The following CYP2E1 variants were observed in gnomAD, a reference collection of about 807,000 sequenced individuals.
The protein encoded by CYP2E1 is cytochrome P450 2E1.
CYP2E1 carries 31 observed loss-of-function variants against 42.9 expected under a neutral mutation model. The observed-to-expected ratio is 0.72, with a 90% confidence interval of 0.54 to 0.98. The LOEUF is 0.98. Among genes scored for constraint, CYP2E1 ranks in the 50% least tolerant of loss-of-function variants. The probability of loss-of-function intolerance (pLI) is 0.00; values close to 1 mark genes in which losing one functional copy is unlikely to be tolerated. For synonymous variants in CYP2E1, 244 were observed against 248.9 expected, an observed-to-expected ratio of 0.98 and a Z score of 0.19; for missense variants, 565 against 633.2, an observed-to-expected ratio of 0.89 and a Z score of 1.16.
intron 6 of CYP2E1, among the ~76,000 whole-genome samples, chr10:133,535,074 T>A (rs1851381539): frequency 6.6e-6 from 1 of 152,008 alleles, no homozygotes; most frequent in African/African-American, 2.4e-5. Flanking sequence ...CAGTGGCTCA[T>A]ACCTGTAATC....
In CYP2E1 at chr10:133,528,507, C is replaced by G; in HGVS notation, c.204C>G (p.Phe68Leu). The change falls in exon 2 of 9, where the codon TTC (phenylalanine) becomes TTG (leucine). Residue 68 changes from phenylalanine to leucine, a missense_variant. Coordinates refer to ENST00000252945, the MANE Select transcript of CYP2E1 (RefSeq NM_000773.4). ...TGGCCCAGCGCTTCGGGCCGGTGTT[C>G]ACGCTGTACGTGGGCTCGCAGCGCA... Reference protein sequence around the residue: ...TRLAQRFGPVFTLYVGSQRMV... With the variant: ...TRLAQRFGPVLTLYVGSQRMV... 6.2e-7 allele frequency: 1 copy of G among 1,613,332 alleles called. No homozygotes were observed. The highest frequency in any genetic ancestry group is 1.1e-5 in the South Asian group (1 of 91,068).
Position 133,538,823 on chromosome 10 carries a change from G to T in CYP2E1, c.1341G>T (p.Leu447Phe). Residue 447 changes from leucine (L) to phenylalanine (F), a missense_variant, in exon 9 of 9, where the codon TTG (leucine) becomes TTT (phenylalanine). Transcript: ENST00000252945. ...GAGAAGGCCTGGCTCGCATGGAGTT[G>T]TTTCTTTTGTTGTGTGCCATTTTGC... ...CAGEGLARME[L>F]FLLLCAILQH... 6.2e-7 allele frequency: 1 copy of T among 1,613,950 alleles called. No homozygotes were observed. Among genetic ancestry groups the T allele is most frequent in the East Asian group, 2.2e-5 (1 of 44,878 alleles).
At chr10:133,529,222 C>G (rs1432740644) in intron 2 of CYP2E1, among the ~76,000 whole-genome samples, 1 of 152,220 alleles carries the variant, frequency 6.6e-6, no homozygotes, top group African/African-American at 2.4e-5. Flanking sequence ...CTCCAGAGCC[C>G]CGAGTTCAGC....
chr10:133,530,770 C>T (rs1851326683), intron 2 of CYP2E1, among the ~76,000 whole-genome samples: 1 of 152,068 alleles, frequency 6.6e-6, no homozygotes. Flanking sequence ...GGGCTAGGGG[C>T]CCCTGCGGTG....
intron 2 of CYP2E1, 143 bp downstream of exon 2, chr10:133,528,783 A>G (rs1293813932): frequency 8.8e-7 from 1 of 1,136,886 alleles, no homozygotes; most frequent in Non-Finnish European, 1.2e-6. Context: ...GATCAGGATT[A>G]GGGCGATGGC....
In CYP2E1 at chr10:133,537,094, T is replaced by G. The variant is rs775343042; in HGVS notation, c.999T>G (p.Ile333Met). ...TCCATGAAGAAATTGACAGGGTGAT[T>G]GGGCCAAGCCGAATCCCTGCCATCA... is the stretch of plus-strand genomic sequence containing the variant. Reference protein sequence around the residue: ...EKLHEEIDRVIGPSRIPAIKD... With the variant: ...EKLHEEIDRVMGPSRIPAIKD... Residue 333 changes from isoleucine to methionine, a missense_variant, in exon 7 of 9, where the codon ATT (isoleucine) becomes ATG (methionine). Coordinates refer to ENST00000252945, the MANE Select transcript of CYP2E1 (RefSeq NM_000773.4). The G allele has an allele frequency of 1.2e-6, 2 of 1,613,608 alleles. No homozygotes were observed. The highest frequency in any genetic ancestry group is 2.7e-5 in the African/African-American group (2 of 74,880).
intron 8 of CYP2E1, 103 bp downstream of exon 8, chr10:133,537,995 C>T: frequency 2.6e-6 from 3 of 1,141,368 alleles, no homozygotes; most frequent in Non-Finnish European, 3.7e-6. Flanking sequence ...CACTGACACC[C>T]CAAACCTCAC....
rs200228968 is a variant in CYP2E1, at chr10:133,537,104, C to T, written c.1009C>T (p.Arg337Ter). 8.1e-6 allele frequency: 13 copies of T among 1,613,860 alleles called. No homozygotes were observed. Among genetic ancestry groups the T allele is most frequent in the East Asian group, 6.7e-5 (3 of 44,876 alleles). The change falls in exon 7 of 9, where the codon CGA becomes TGA. Residue 337 changes from arginine to a stop codon, truncating the protein, a stop_gained. Transcript: ENST00000252945. LOFTEE classifies it high-confidence loss of function. ...AATTGACAGGGTGATTGGGCCAAGC[C>T]GAATCCCTGCCATCAAGGATAGGCA... ...EEIDRVIGPS[R>*]IPAIKDRQEM...
chr10:133,528,529 C>T lies in CYP2E1; in HGVS notation c.226C>T (p.Arg76Cys), dbSNP rs1329756728. Residue 76 changes from arginine (R) to cysteine (C), a missense_variant, in exon 2 of 9, where the codon CGC (arginine) becomes TGC (cysteine). Transcript: ENST00000252945. ...GTTCACGCTGTACGTGGGCTCGCAG[C>T]GCATGGTGGTGATGCACGGCTACAA... ...PVFTLYVGSQ[R>C]MVVMHGYKAV... is the part of the protein sequence containing the mutation. 2.5e-6 allele frequency: 4 copies of T among 1,613,366 alleles called. No individual in the cohort carries two copies. The highest frequency in any genetic ancestry group is 2.7e-5 in the African/African-American group (2 of 74,922).
intron 1 of CYP2E1, 146 bp from the exon 2 acceptor site, chr10:133,528,335 C>A: frequency 1.1e-6 from 1 of 948,934 alleles, no homozygotes; most frequent in Non-Finnish European, 1.5e-6. Context: ...GTCTCCCCCA[C>A]CTCGGGCTGG....
At chr10:133,532,589 T>C (rs1851352494) in intron 4 of CYP2E1, 103 bp from the exon 5 acceptor site, 12 of 1,095,516 alleles carry the variant, frequency 1.1e-5, no homozygotes, top group Non-Finnish European at 1.5e-5. Context: ...AAATAAACAA[T>C]GATTACAGCC....
intron 6 of CYP2E1, among the ~76,000 whole-genome samples, chr10:133,534,585 G>T (rs1254309536): frequency 6.6e-6 from 1 of 152,214 alleles, no homozygotes; most frequent in Non-Finnish European, 1.5e-5. Flanking sequence ...CTGCAGCCTG[G>T]CTGGAGAGTG....
chr10:133,531,826 C>G, intron 3 of CYP2E1, 92 bp downstream of exon 3: 1 of 1,324,858 alleles, frequency 7.5e-7, no homozygotes, highest in South Asian at 1.5e-5. Context: ...ATCTGAACCA[C>G]AGGGACCTAC....
chr10:133,534,906 C>T (rs1851380020), intron 6 of CYP2E1, among the ~76,000 whole-genome samples: 1 of 151,404 alleles, frequency 6.6e-6, no homozygotes, highest in African/African-American at 2.4e-5. Flanking sequence ...ACTCTGTTGC[C>T]CAGGCTGGAG....
In CYP2E1 at chr10:133,528,469, G is replaced by A. The variant is rs72862138; in HGVS notation, c.178-12G>A. ...CGCGGCGGGCCTGACTTCTAGCCAC[G>A]GGTCTCCGCAGTTGGCCCAGCGCTT... is the stretch of plus-strand genomic sequence containing the variant. On this transcript the variant is annotated splice_polypyrimidine_tract_variant and intron_variant, in intron 1 of 8. Transcript: ENST00000252945. The A allele has an allele frequency of 2.7e-5, 44 of 1,611,514 alleles. No homozygotes were observed. In the African/African-American group the frequency reaches 4.1e-4, roughly 15 times the overall value.
At chr10:133,537,641 A>G in intron 7 of CYP2E1, 110 bp from the exon 8 acceptor site, 1 of 934,520 alleles carries the variant, frequency 1.1e-6, no homozygotes, top group Non-Finnish European at 1.6e-6. Flanking sequence ...CTGGAAATAT[A>G]CTATCCTATA....
intron 2 of CYP2E1, among the ~76,000 whole-genome samples, chr10:133,530,013 C>A (rs41299416): frequency 6.6e-6 from 1 of 152,220 alleles, no homozygotes; most frequent in East Asian, 1.9e-4. Context: ...ACCCACGGGT[C>A]CAAGGCACAG....
In CYP2E1 at chr10:133,532,829, C is replaced by A; in HGVS notation, c.786C>A (p.Pro262=). The A allele has an allele frequency of 6.2e-7, 1 of 1,611,680 alleles. No individual in the cohort carries two copies. Among genetic ancestry groups the A allele is most frequent in the South Asian group, 1.1e-5 (1 of 90,580 alleles). Residue 262 remains proline (P), a synonymous_variant, in exon 5 of 9, where the codon CCC becomes CCA. Transcript: ENST00000252945. ...ATCAATCTCTGGACCCCAACTGTCCCCGGGACCTCACCGACTGCCTGCTCG... is the reference window on the plus strand; with the variant it reads ...ATCAATCTCTGGACCCCAACTGTCCACGGGACCTCACCGACTGCCTGCTCG... ...EHHQSLDPNC[P]RDLTDCLLVE...
At chr10:133,538,036 C>A (rs939312655) in intron 8 of CYP2E1, 144 bp downstream of exon 8, 1 of 711,242 alleles carries the variant, frequency 1.4e-6, no homozygotes, top group Admixed American at 3.2e-5. Flanking sequence ...ACAACATGAC[C>A]CAAATGTGCT....
Sources: gnomAD v4.1 joint callset for allele counts (sites outside exome capture counted in the v4.1 genomes callset) on GRCh38, gnomAD v4.1.1 for gene constraint, MANE v1.5 for transcripts, NCBI Gene and HGNC (gene_info 2026-07-23, HGNC 2026-07-21) for gene names.